ST18: variants seen among roughly 807,000 people sequenced by gnomAD.
The protein encoded by ST18 is ST18 C2H2C-type zinc finger transcription factor, also known as suppression of tumorigenicity 18 protein.
ST18 carries 50 observed loss-of-function variants against 110.0 expected under a neutral mutation model. The observed-to-expected ratio is 0.45, with a 90% CI of 0.36 to 0.58. The LOEUF is 0.58. Ranked by LOEUF, ST18 falls within the 20% of genes least tolerant of loss-of-function variation. ST18 has a pLI of 0.00. For synonymous variants in ST18, 461 were observed against 452.4 expected, an observed-to-expected ratio of 1.02 and a Z score of -0.24; for missense variants, 1,306 against 1,280.1, an observed-to-expected ratio of 1.02 and a Z score of -0.31.
intron 2 of ST18, among the ~76,000 whole-genome samples, chr8:52,381,967 T>TAAAAAAAA (rs33953466): frequency 2.1e-5 from 1 of 47,270 alleles, no homozygotes; most frequent in African/African-American, 3.4e-5. Flanking sequence ...TATGCTGCAT[T>TAAAAAAAA]AAAAAACAAA....
At chr8:52,140,000 T>A (rs1001491663) in intron 17 of ST18, among the ~76,000 whole-genome samples, 2 of 152,164 alleles carry the variant, frequency 1.3e-5, no homozygotes, top group African/African-American at 4.8e-5. Context: ...AACTAGCTAG[T>A]TTTCTCAGTA....
intron 17 of ST18, among the ~76,000 whole-genome samples, chr8:52,141,555 GTGGAGGGAAGTGAAGAAAAGATC>G (rs2132025199): frequency 6.6e-6 from 1 of 152,304 alleles, no homozygotes; most frequent in South Asian, 2.1e-4. Context: ...AAAATAGAGA[GTGGAGGGAAGTGAAGAAAAGATC>G]TGGGAATGGG....
intron 2 of ST18, among the ~76,000 whole-genome samples, chr8:52,387,790 C>CA: frequency 6.6e-6 from 1 of 152,152 alleles, no homozygotes; most frequent in East Asian, 1.9e-4. Context: ...AGATATTTTG[C>CA]AAAATGTTTT....
chr8:52,372,792 G>A (rs1830729319), intron 2 of ST18, among the ~76,000 whole-genome samples: 1 of 152,098 alleles, frequency 6.6e-6, no homozygotes, highest in Admixed American at 6.5e-5. Context: ...GCACAACGAC[G>A]AAGTCACCTA....
intron 2 of ST18, among the ~76,000 whole-genome samples, chr8:52,350,977 C>T (rs1476285820): frequency 6.6e-6 from 1 of 152,094 alleles, no homozygotes; most frequent in Non-Finnish European, 1.5e-5. Flanking sequence ...GCCTCGGCCT[C>T]CCAAAGTGCT....
intron 8 of ST18, among the ~76,000 whole-genome samples, chr8:52,205,065 T>C (rs1304685211): frequency 6.6e-6 from 1 of 151,384 alleles, no homozygotes; most frequent in East Asian, 1.9e-4. Context: ...ACTCTGTCCT[T>C]TGCAATCACC....
In ST18 at chr8:52,345,197, C is replaced by A. The variant is rs142180407; in HGVS notation, c.-465+64131G>T. 7.9e-3 allele frequency among the ~76,000 whole-genome samples: 1,204 copies of A among 152,174 alleles called. 17 individuals carry two copies. Among genetic ancestry groups the A allele is most frequent in the African/African-American group, 0.027 (1,142 of 41,534 alleles). On this transcript the variant is annotated intron_variant, in intron 2 of 25. Transcript: ENST00000689386. ...CATGCTGTACACTAGATCTCCAGGA[C>A]GTACTCATCATAACAATATCACTTA...
intron 16 of ST18, among the ~76,000 whole-genome samples, chr8:52,146,373 C>T (rs1350641213): frequency 6.6e-6 from 1 of 152,206 alleles, no homozygotes; most frequent in South Asian, 2.1e-4. Flanking sequence ...CTTCATTCTT[C>T]TCTTTTTTCT....
Position 52,308,037 on chromosome 8 carries a change from T to C in ST18, c.-464-77960A>G, listed in dbSNP as rs368397422. ...CCTGAAGAGCCTTTTCTTATCTCCC[T>C]GATTCCTGCCAGTGACATACTTTGG... On this transcript the variant is annotated intron_variant, in intron 2 of 25. Transcript: ENST00000689386. Among the ~76,000 whole-genome samples, 22 of 152,344 alleles carry C rather than the reference T, an allele frequency of 1.4e-4. No homozygotes were observed. In the East Asian group the frequency reaches 2.9e-3, roughly 20 times the overall value.
chr8:52,159,938 A>T (rs1380941257), intron 14 of ST18, among the ~76,000 whole-genome samples: 1 of 152,180 alleles, frequency 6.6e-6, no homozygotes, highest in Admixed American at 6.5e-5. Context: ...GCTAATATAA[A>T]AGCATTTAGC....
intron 13 of ST18, among the ~76,000 whole-genome samples, chr8:52,162,432 C>T (rs546994754): frequency 1.3e-5 from 2 of 152,332 alleles, no homozygotes; most frequent in South Asian, 2.1e-4. Context: ...GCAGTACAGA[C>T]ACCAGAGATT....
intron 2 of ST18, among the ~76,000 whole-genome samples, chr8:52,330,283 T>G (rs1589967712): frequency 6.6e-6 from 1 of 152,192 alleles, no homozygotes; most frequent in African/African-American, 2.4e-5. Flanking sequence ...AGAGGGTCAC[T>G]CAGGACAGGC....
Position 52,250,364 on chromosome 8 carries a change from C to T in ST18, c.-464-20287G>A, listed in dbSNP as rs185300764. On this transcript the variant is annotated intron_variant, in intron 2 of 25. Coordinates refer to ENST00000689386, the MANE Select transcript of ST18 (RefSeq NM_001352837.2). ...TTATTCCTTATCTCTGTTTACCAAC[C>T]GCTAGGTCCCTTTCATTCACACCAC... Among the ~76,000 whole-genome samples, 496 of 147,878 alleles carry T rather than the reference C, an allele frequency of 3.4e-3. 2 individuals are homozygous for T. Among genetic ancestry groups the T allele is most frequent in the African/African-American group, 0.012 (473 of 40,034 alleles).
chr8:52,327,487 T>C (rs951036401), intron 2 of ST18, among the ~76,000 whole-genome samples: 2 of 152,190 alleles, frequency 1.3e-5, no homozygotes, highest in African/African-American at 2.4e-5. Context: ...AAGGGTACCA[T>C]TGTCCTGTGA....
intron 2 of ST18, among the ~76,000 whole-genome samples, chr8:52,317,283 G>A (rs1163924331): frequency 6.6e-6 from 1 of 152,172 alleles, no homozygotes; most frequent in African/African-American, 2.4e-5. Context: ...CCAATAATAT[G>A]TCCTTACAAG....
At chr8:52,407,682 A>G (rs1564676034) in intron 2 of ST18, 1 of 152,166 alleles carries the variant, frequency 6.6e-6, no homozygotes, top group African/African-American at 2.4e-5. Flanking sequence ...TTTTAGAGAT[A>G]TATGGTTTTG....
chr8:52,146,408 C>T (rs1272646913), intron 16 of ST18, among the ~76,000 whole-genome samples: 1 of 152,108 alleles, frequency 6.6e-6, no homozygotes, highest in African/African-American at 2.4e-5. Flanking sequence ...TTCTCAATAA[C>T]CCCTAAGCAG....
intron 13 of ST18, among the ~76,000 whole-genome samples, chr8:52,163,350 C>A (rs2061944513): frequency 6.6e-6 from 1 of 152,164 alleles, no homozygotes; most frequent in African/African-American, 2.4e-5. Flanking sequence ...ATCCTGAAAT[C>A]ATTTTCCCTA....
At chr8:52,198,934 C>T (rs1433289296) in intron 8 of ST18, among the ~76,000 whole-genome samples, 1 of 152,080 alleles carries the variant, frequency 6.6e-6, no homozygotes, top group Non-Finnish European at 1.5e-5. Context: ...CCACCTCCTT[C>T]CAGCCCCACC....
Sources: gnomAD v4.1 joint callset for allele counts (sites outside exome capture counted in the v4.1 genomes callset) on GRCh38, gnomAD v4.1.1 for gene constraint, MANE v1.5 for transcripts, NCBI Gene and HGNC (gene_info 2026-07-23, HGNC 2026-07-21) for gene names.